The following NCAM1 variants were observed in gnomAD, a reference collection of about 807,000 sequenced individuals.
NCAM1 encodes the protein neural cell adhesion molecule 1.
A neutral mutation model predicts 109.8 loss-of-function variants in NCAM1; 14 were observed. That is an observed-to-expected ratio of 0.13 (90% CI 0.08 to 0.20). NCAM1 has a LOEUF of 0.20. Ranked by LOEUF, NCAM1 falls within the 10% of genes least tolerant of loss-of-function variation. The pLI is 1.00. For synonymous variants in NCAM1, 418 were observed against 442.9 expected (o/e 0.94, Z 0.70); for missense variants, 774 against 1,109.9 (o/e 0.70, Z 4.30).
At chr11:113,208,402 G>A (rs782693920) in intron 7 of NCAM1, among the ~76,000 whole-genome samples, 9 of 151,992 alleles carry the variant, frequency 5.9e-5, no homozygotes, top group African/African-American at 9.7e-5. Flanking sequence ...TCTTTCTTTC[G>A]CTTTGCTGCA....
chr11:113,085,270 AC>A (rs1555088046), intron 1 of NCAM1, among the ~76,000 whole-genome samples: 1 of 152,144 alleles, frequency 6.6e-6, no homozygotes, highest in African/African-American at 2.4e-5. Context: ...GTTAAGTGAG[AC>A]CCGTTATTGT....
chr11:113,044,174 C>T (rs1953181445), intron 1 of NCAM1, among the ~76,000 whole-genome samples: 3 of 152,264 alleles, frequency 2.0e-5, no homozygotes, highest in African/African-American at 7.2e-5. Flanking sequence ...TGTTCTTTCT[C>T]ATGCCTTTCC....
At chr11:113,152,954 A>C (rs1407456837) in intron 1 of NCAM1, among the ~76,000 whole-genome samples, 2 of 152,186 alleles carry the variant, frequency 1.3e-5, no homozygotes, top group Admixed American at 6.5e-5. Context: ...GGTATAAGAG[A>C]AGAATGAATT....
At chr11:113,165,428 C>T (rs1367379424) in intron 1 of NCAM1, among the ~76,000 whole-genome samples, 1 of 152,130 alleles carries the variant, frequency 6.6e-6, no homozygotes, top group Non-Finnish European at 1.5e-5. Context: ...AGCCTCAGGC[C>T]TTCTGCTTGT....
At chr11:113,221,197 G>C in intron 8 of NCAM1, 99 bp from the exon 9 acceptor site, 1 of 1,199,456 alleles carries the variant, frequency 8.3e-7, no homozygotes, top group Admixed American at 2.3e-5. Context: ...TTAAAGAAAA[G>C]CTGCATGTGC....
rs1175342641 is a variant in NCAM1 at position 113,220,602 on chromosome 11, C to CTTTTTTTTTTTTTTTTTT, written c.1060-688_1060-671dup. Among the ~76,000 whole-genome samples, 42 of 75,594 alleles carry CTTTTTTTTTTTTTTTTTT rather than the reference C, an allele frequency of 5.6e-4. 3 individuals carry two copies. The highest frequency in any genetic ancestry group is 1.6e-3 in the East Asian group (3 of 1,838). 49.6% of individuals were successfully genotyped at this position (75,594 alleles called of 152,430 possible). Reference sequence around the variant, plus strand: ...AGACCTATTCTCTCTCTCTCTCTCTCTTTTTTTTTTTTTTTTTTTTTTTGA... The same window carrying CTTTTTTTTTTTTTTTTTT: ...AGACCTATTCTCTCTCTCTCTCTCTCTTTTTTTTTTTTTTTTTTTTTTTTTTTTTTTTTTTTTTTTTGA... On this transcript the variant is annotated intron_variant, in intron 8 of 19. Transcript: ENST00000316851.
Position 113,269,866 on chromosome 11 carries a change from C to G in NCAM1, c.2132-322C>G, listed in dbSNP as rs369737734. On this transcript the variant is annotated intron_variant, in intron 17 of 19. Coordinates refer to ENST00000316851, the MANE Select transcript of NCAM1 (RefSeq NM_181351.5). ...TGGTCCAGGGGAAACACAGCAGCGC[C>G]CTCCAACTGCCTCATTATCCGGTGT... The G allele has an allele frequency of 4.0e-3, 1,619 of 407,066 alleles. 4 individuals are homozygous for G. The highest frequency in any genetic ancestry group is 5.6e-3 in the Non-Finnish European group (1,224 of 218,846). 25.2% of individuals were successfully genotyped at this position (407,066 alleles called of 1,614,324 possible). A position where few individuals can be genotyped will look rare whatever the true frequency, so the allele number is the denominator to read the frequency against.
At chr11:113,015,948 C>T (rs2135178306) in intron 1 of NCAM1, among the ~76,000 whole-genome samples, 1 of 152,224 alleles carries the variant, frequency 6.6e-6, no homozygotes, top group East Asian at 1.9e-4. Flanking sequence ...AACTTAGCTT[C>T]AGCAGCCTGA....
intron 7 of NCAM1, among the ~76,000 whole-genome samples, chr11:113,211,084 C>T (rs578014504): frequency 6.6e-6 from 1 of 152,224 alleles, no homozygotes; most frequent in Non-Finnish European, 1.5e-5. Flanking sequence ...TCCTCCTCCA[C>T]TGGCCTTCCC....
At chr11:113,079,527 A>G (rs1357304976) in intron 1 of NCAM1, among the ~76,000 whole-genome samples, 1 of 152,258 alleles carries the variant, frequency 6.6e-6, no homozygotes, top group Non-Finnish European at 1.5e-5. Flanking sequence ...AACAGACTAA[A>G]AAGTTCGCCA....
Position 113,072,780 on chromosome 11 carries a change from T to G in NCAM1, c.52+111116T>G, listed in dbSNP as rs188548315. On this transcript the variant is annotated intron_variant, in intron 1 of 19. Transcript: ENST00000316851. ...ATAGTAAACTTTCTTACATAGATTT[T>G]AGACCAATAATCATGATTTCTAAGT... Among the ~76,000 whole-genome samples, 53 of 151,932 alleles carry G rather than the reference T, an allele frequency of 3.5e-4. 1 individual carries two copies. Among genetic ancestry groups the G allele is most frequent in the East Asian group, 9.7e-4 (5 of 5,172 alleles).
At chr11:113,224,567 A>T (rs1424508015) in intron 9 of NCAM1, among the ~76,000 whole-genome samples, 1 of 152,236 alleles carries the variant, frequency 6.6e-6, no homozygotes, top group African/African-American at 2.4e-5. Flanking sequence ...TCCCTGTCTG[A>T]CAGATTGGAA....
At chr11:113,095,775 T>C (rs1480960425) in intron 1 of NCAM1, among the ~76,000 whole-genome samples, 1 of 152,226 alleles carries the variant, frequency 6.6e-6, no homozygotes, top group African/African-American at 2.4e-5. Context: ...TGGATTAGCC[T>C]TGTGCTTTAG....
rs537616998 is a variant in NCAM1, at chr11:113,138,576, C to T, written c.53-63803C>T. On this transcript the variant is annotated intron_variant, in intron 1 of 19. Coordinates refer to ENST00000316851, the MANE Select transcript of NCAM1 (RefSeq NM_181351.5). ...ATTCTTGATGTGGACACATGCTTTC[C>T]ACTTCACCTTGCATTTGGATACTTG... Among the ~76,000 whole-genome samples, 6 of 152,314 alleles carry T rather than the reference C, an allele frequency of 3.9e-5. No homozygotes were observed. The South Asian group carries it at 1.2e-3, about 32-fold the overall frequency.
At chr11:113,232,604 A>C (rs1945044573) in intron 11 of NCAM1, 114 bp from the exon 12 acceptor site, 2 of 919,498 alleles carry the variant, frequency 2.2e-6, no homozygotes, top group South Asian at 3.1e-5. Flanking sequence ...GCTGGAGCTA[A>C]TGATTTATAC....
chr11:113,047,407 G>A (rs1217571201), intron 1 of NCAM1, among the ~76,000 whole-genome samples: 1 of 152,058 alleles, frequency 6.6e-6, no homozygotes, highest in African/African-American at 2.4e-5. Flanking sequence ...TATTAATAAA[G>A]TCTTAGGCTC....
At chr11:113,198,654 T>G (rs1281383923) in intron 1 of NCAM1, among the ~76,000 whole-genome samples, 1 of 152,210 alleles carries the variant, frequency 6.6e-6, no homozygotes, top group Non-Finnish European at 1.5e-5. Context: ...GTTAGATCTT[T>G]GTACAAAGAC....
intron 1 of NCAM1, among the ~76,000 whole-genome samples, chr11:113,128,961 G>A (rs1440787233): frequency 6.7e-6 from 1 of 149,768 alleles, no homozygotes; most frequent in South Asian, 2.1e-4. Context: ...ATGCGTGCAG[G>A]CACACATGAT....
At chr11:112,971,226 TTCTCTCTCTCTC>T (rs137914370) in intron 1 of NCAM1, among the ~76,000 whole-genome samples, 1 of 149,290 alleles carries the variant, frequency 6.7e-6, no homozygotes, top group Non-Finnish European at 1.5e-5. Flanking sequence ...GTACTTCAAT[TTCTCTCTCTCTC>T]TCTCTCTGTC....
Sources: gnomAD v4.1 joint callset for allele counts (sites outside exome capture counted in the v4.1 genomes callset) on GRCh38, gnomAD v4.1.1 for gene constraint, MANE v1.5 for transcripts, NCBI Gene and HGNC (gene_info 2026-07-23, HGNC 2026-07-21) for gene names.